The following FHIT variants were observed in gnomAD, a reference collection of about 807,000 sequenced individuals.
FHIT encodes the protein fragile histidine triad diadenosine triphosphatase.
FHIT carries 19 observed loss-of-function variants against 17.9 expected under a neutral mutation model. That is an observed-to-expected ratio of 1.06 (90% CI 0.74 to 1.56). The LOEUF (loss-of-function observed/expected upper bound fraction) is 1.56, where lower values mean the gene tolerates loss of function less well. Ranked by LOEUF, FHIT falls within the 40% of genes most tolerant of loss-of-function variation. The probability of loss-of-function intolerance (pLI) is 0.00; values close to 1 mark genes in which losing one functional copy is unlikely to be tolerated. For missense variants in FHIT, 248 were observed against 189.2 expected (o/e 1.31, Z -1.82); for synonymous variants, 81 against 69.7 (o/e 1.16, Z -0.81).
At chr3:60,140,729 C>T (rs1240540803) in intron 5 of FHIT, among the ~76,000 whole-genome samples, 1 of 152,050 alleles carries the variant, frequency 6.6e-6, no homozygotes, top group Non-Finnish European at 1.5e-5. Flanking sequence ...CAGGTATGCA[C>T]CACCACGCCC....
intron 5 of FHIT, among the ~76,000 whole-genome samples, chr3:60,492,058 G>A (rs371975836): frequency 6.6e-6 from 1 of 152,016 alleles, no homozygotes; most frequent in African/African-American, 2.4e-5. Flanking sequence ...TTGACATCTC[G>A]GACATAAATA....
intron 5 of FHIT, among the ~76,000 whole-genome samples, chr3:60,310,902 G>C (rs777367301): frequency 7.2e-5 from 11 of 151,962 alleles, no homozygotes; most frequent in Non-Finnish European, 1.2e-4. Flanking sequence ...CTTTCTCTCT[G>C]TATACACACT....
intron 5 of FHIT, among the ~76,000 whole-genome samples, chr3:60,121,121 A>G (rs1705226560): frequency 6.6e-6 from 1 of 152,060 alleles, no homozygotes; most frequent in South Asian, 2.1e-4. Flanking sequence ...ATTCTACTAA[A>G]CCATTTAAGA....
intron 2 of FHIT, among the ~76,000 whole-genome samples, chr3:61,176,263 C>T (rs1032227069): frequency 6.6e-6 from 1 of 152,218 alleles, no homozygotes; most frequent in Non-Finnish European, 1.5e-5. Context: ...ATCAGCAATT[C>T]ATGCCCCACT....
chr3:60,011,716 T>TATCA (rs1243705481), intron 6 of FHIT, among the ~76,000 whole-genome samples: 3 of 152,192 alleles, frequency 2.0e-5, no homozygotes, highest in Non-Finnish European at 4.4e-5. Flanking sequence ...GGAGGTGAAG[T>TATCA]ATCACACCTT....
intron 5 of FHIT, among the ~76,000 whole-genome samples, chr3:60,354,255 T>C (rs73107060): frequency 0.13 from 20,523 of 152,182 alleles, 1,503 homozygotes; most frequent in Non-Finnish European, 0.16. Context: ...TTAATAGTAT[T>C]AGTCATTACC....
At chr3:61,069,477 T>C (rs1439001) in intron 2 of FHIT, among the ~76,000 whole-genome samples, 84,190 of 151,966 alleles carry the variant, frequency 0.55, 24,294 homozygotes, top group Non-Finnish European at 0.64. Context: ...GATTAAGGAC[T>C]GTTATGGTAG....
intron 5 of FHIT, among the ~76,000 whole-genome samples, chr3:60,508,539 T>C (rs550364709): frequency 1.3e-4 from 20 of 152,310 alleles, no homozygotes; most frequent in African/African-American, 4.8e-4. Flanking sequence ...TGAGTGAATA[T>C]TAATTTAGAC....
At chr3:61,224,440 G>T (rs534024854) in intron 1 of FHIT, among the ~76,000 whole-genome samples, 1 of 152,006 alleles carries the variant, frequency 6.6e-6, no homozygotes, top group Admixed American at 6.6e-5. Context: ...TATTGACATG[G>T]AATCTCATTC....
chr3:61,156,303 C>A (rs559947162), intron 2 of FHIT, among the ~76,000 whole-genome samples: 82 of 152,238 alleles, frequency 5.4e-4, no homozygotes, highest in Non-Finnish European at 9.9e-4. Context: ...ACCCCTAACT[C>A]ATATACCTAC....
rs180776600 is a variant in FHIT at position 60,594,626 on chromosome 3, C to T, written c.-17-57647G>A. 1.1e-4 allele frequency among the ~76,000 whole-genome samples: 16 copies of T among 152,222 alleles called. No homozygotes were observed. The East Asian group carries it at 3.1e-3, about 30-fold the overall frequency. On this transcript the variant is annotated intron_variant, in intron 4 of 9. Transcript: ENST00000492590. Reference sequence around the variant, plus strand: ...CCTCCTCCTCCCTTCCCTCTCCTCTCCCCTTCCAACACTATAAAGGGTTTT... The same window carrying T: ...CCTCCTCCTCCCTTCCCTCTCCTCTTCCCTTCCAACACTATAAAGGGTTTT...
chr3:61,249,282 A>C (rs1017452377), intron 1 of FHIT, among the ~76,000 whole-genome samples: 2 of 152,214 alleles, frequency 1.3e-5, no homozygotes, highest in Non-Finnish European at 2.9e-5. Flanking sequence ...AAACTGCTTT[A>C]CCACCTGGGC....
intron 4 of FHIT, among the ~76,000 whole-genome samples, chr3:60,774,129 T>A (rs1700137956): frequency 6.6e-6 from 1 of 152,174 alleles, no homozygotes; most frequent in South Asian, 2.1e-4. Flanking sequence ...ACATGCCTTA[T>A]TCCATTTGAT....
intron 5 of FHIT, among the ~76,000 whole-genome samples, chr3:60,369,822 A>G (rs1700251146): frequency 6.6e-6 from 1 of 152,210 alleles, no homozygotes; most frequent in African/African-American, 2.4e-5. Context: ...TGTGTCTTAC[A>G]GAGTCCCACT....
chr3:60,625,362 TA>T (rs2039256822), intron 4 of FHIT, among the ~76,000 whole-genome samples: 1 of 152,218 alleles, frequency 6.6e-6, no homozygotes, highest in Non-Finnish European at 1.5e-5. Context: ...GGGGAAATGA[TA>T]GACTGTTTTC....
chr3:59,936,848 C>A (rs570360024), intron 7 of FHIT, among the ~76,000 whole-genome samples: 3 of 152,240 alleles, frequency 2.0e-5, no homozygotes, highest in African/African-American at 4.8e-5. Context: ...CCTCTAAGAT[C>A]TGGTTTAAAT....
intron 3 of FHIT, among the ~76,000 whole-genome samples, chr3:61,033,648 G>C (rs902322630): frequency 6.6e-6 from 1 of 152,168 alleles, no homozygotes; most frequent in Non-Finnish European, 1.5e-5. Context: ...AAAGACTCCA[G>C]TATGTATACA....
At chr3:61,122,343 C>T (rs1236002590) in intron 2 of FHIT, among the ~76,000 whole-genome samples, 1 of 152,160 alleles carries the variant, frequency 6.6e-6, no homozygotes, top group South Asian at 2.1e-4. Flanking sequence ...ACACCTTATA[C>T]AAAAATTAAC....
intron 5 of FHIT, among the ~76,000 whole-genome samples, chr3:60,194,566 A>G (rs1021721719): frequency 1.3e-5 from 2 of 152,156 alleles, no homozygotes; most frequent in Non-Finnish European, 2.9e-5. Context: ...CAAATGAAAC[A>G]AAAACAAAAA....
Sources: allele counts gnomAD v4.1 joint callset (sites outside exome capture counted in the v4.1 genomes callset), GRCh38; gene constraint gnomAD v4.1.1; transcripts MANE v1.5; gene names NCBI Gene and HGNC (gene_info 2026-07-23, HGNC 2026-07-21).